Variants in TPTE2 observed in about 807,000 individuals in gnomAD.
TPTE2 encodes transmembrane phosphoinositide 3-phosphatase and tensin homolog 2, also known as phosphatidylinositol 3,4,5-trisphosphate 3-phosphatase TPTE2.
A neutral mutation model predicts 78.6 loss-of-function variants in TPTE2; 53 were observed. The ratio of observed to expected loss-of-function variants is 0.67; its 90% confidence interval spans 0.54 to 0.85. The LOEUF (loss-of-function observed/expected upper bound fraction) is 0.85. TPTE2 is among the 40% of genes least tolerant of loss of function. The pLI is 0.00. For synonymous variants in TPTE2, 175 were observed against 206.2 expected, an observed-to-expected ratio of 0.85 and a Z score of 1.30; for missense variants, 461 against 623.0, an observed-to-expected ratio of 0.74 and a Z score of 2.77.
chr13:19,473,314 C>A (rs1039835058), intron 6 of TPTE2, among the ~76,000 whole-genome samples: 5 of 152,318 alleles, frequency 3.3e-5, no homozygotes, highest in South Asian at 2.1e-4. Context: ...GTCCTAGCCT[C>A]CAGGTGGATC....
At chr13:19,492,828 T>C (rs770799336) in intron 3 of TPTE2, 22 bp downstream of exon 6, 44 of 1,613,490 alleles carry the variant, frequency 2.7e-5, no homozygotes, top group Non-Finnish European at 3.7e-5. Flanking sequence ...CATACGTGTG[T>C]CTTCATGTAT....
chr13:19,449,684 ATTT>A (rs970839419), intron 13 of TPTE2, among the ~76,000 whole-genome samples: 2 of 152,140 alleles, frequency 1.3e-5, no homozygotes, highest in Admixed American at 1.3e-4. Context: ...AAATATATTG[ATTT>A]TTTTGTTAAT....
intron 3 of TPTE2, among the ~76,000 whole-genome samples, chr13:19,487,847 G>C (rs1880751972): frequency 6.6e-6 from 1 of 152,328 alleles, no homozygotes. Flanking sequence ...TGTACTCCTA[G>C]TCCAGGACAT....
chr13:19,495,695 T>A (rs1199703151), intron 1 of TPTE2, among the ~76,000 whole-genome samples: 1 of 152,232 alleles, frequency 6.6e-6, no homozygotes, highest in Non-Finnish European at 1.5e-5. Flanking sequence ...TTCCTTGATA[T>A]CGCATGGTGC....
chr13:19,502,995 T>G (rs557869131), intron 1 of TPTE2, among the ~76,000 whole-genome samples: 34 of 152,268 alleles, frequency 2.2e-4, no homozygotes, highest in Non-Finnish European at 3.7e-4. Context: ...TGAAAAGAAT[T>G]GGAAACCCTG....
chr13:19,487,247 T>A (rs1020832836), intron 3 of TPTE2, among the ~76,000 whole-genome samples: 7 of 152,052 alleles, frequency 4.6e-5, no homozygotes, highest in African/African-American at 1.7e-4. Flanking sequence ...GACTTGGGCA[T>A]ACACAGCTGC....
At chr13:19,513,748 T>C (rs1869612030) in intron 1 of TPTE2, among the ~76,000 whole-genome samples, 1 of 152,182 alleles carries the variant, frequency 6.6e-6, no homozygotes, top group South Asian at 2.1e-4. Context: ...GTTTAATGAA[T>C]CAGGATTTAA....
chr13:19,549,366 A>G, the TPTE2 span, among the ~76,000 whole-genome samples: 1 of 152,330 alleles, frequency 6.6e-6, no homozygotes, highest in East Asian at 1.9e-4. Context: ...CGATTCTCAA[A>G]AAAAGACATA....
At chr13:19,549,454 TACC>T in the TPTE2 span, among the ~76,000 whole-genome samples, 1 of 152,180 alleles carries the variant, frequency 6.6e-6, no homozygotes, top group African/African-American at 2.4e-5. Context: ...CACAATGAGA[TACC>T]ACTGCACACC....
At chr13:19,450,163 C>G (rs752113876) in exon 13 of TPTE2, 48 of 1,610,984 alleles carry the variant, frequency 3.0e-5, no homozygotes, top group East Asian at 4.5e-5. Context: ...ACCACCATCT[C>G]ACTGATTTCA....
At chr13:19,428,273 AC>A (rs1275365265) in intron 17 of TPTE2, among the ~76,000 whole-genome samples, 1 of 151,928 alleles carries the variant, frequency 6.6e-6, no homozygotes, top group Admixed American at 6.6e-5. Context: ...ACATGGAGAA[AC>A]CCCGTCTCTA....
At chr13:19,503,177 G>C (rs1420606885) in intron 1 of TPTE2, 47 bp downstream of exon 4, 3 of 1,612,222 alleles carry the variant, frequency 1.9e-6, no homozygotes, top group Admixed American at 3.3e-5. Flanking sequence ...ATACTTCTAT[G>C]CTCAGTTATA....
chr13:19,482,385 C>T (rs542852142), intron 4 of TPTE2, 103 bp downstream of exon 7: 1 of 1,345,390 alleles, frequency 7.4e-7, no homozygotes, highest in East Asian at 2.5e-5. Context: ...TGATATCTTT[C>T]CATAGTTTCC....
intron 5 of TPTE2, among the ~76,000 whole-genome samples, chr13:19,475,249 G>A (rs1490719054): frequency 6.7e-6 from 1 of 149,128 alleles, no homozygotes; most frequent in Non-Finnish European, 1.5e-5. Flanking sequence ...TTTTTTACAT[G>A]GAGTCTTGCT....
At chr13:19,546,531 C>G in the TPTE2 span, among the ~76,000 whole-genome samples, 6 of 118,554 alleles carry the variant, frequency 5.1e-5, no homozygotes, top group African/African-American at 1.8e-4. Context: ...CTCTCGTTGC[C>G]CAGGCTGGAG....
At chr13:19,497,695 G>A (rs1483227485) in intron 1 of TPTE2, among the ~76,000 whole-genome samples, 1 of 150,030 alleles carries the variant, frequency 6.7e-6, no homozygotes, top group African/African-American at 2.4e-5. Flanking sequence ...CCACAAAGAT[G>A]GGGAAAAAAC....
At chr13:19,492,687 C>T (rs1384986772) in intron 3 of TPTE2, among the ~76,000 whole-genome samples, 163 bp downstream of exon 6, 5 of 152,118 alleles carry the variant, frequency 3.3e-5, no homozygotes, top group African/African-American at 1.2e-4. Flanking sequence ...CATCTGTCTC[C>T]GTGTTTGGTG....
the TPTE2 span, chr13:19,560,576 C>A: frequency 6.3e-7 from 1 of 1,599,986 alleles, no homozygotes. Context: ...ATGGTGACCA[C>A]GATCTCTCGG....
chr13:19,445,167 C>T (rs940656047), intron 13 of TPTE2, among the ~76,000 whole-genome samples: 5 of 152,244 alleles, frequency 3.3e-5, no homozygotes, highest in Non-Finnish European at 7.4e-5. Flanking sequence ...AAAGGCAAAT[C>T]ACAGAGCAGA....
Sources: gnomAD v4.1 joint callset for allele counts (sites outside exome capture counted in the v4.1 genomes callset) on GRCh38, gnomAD v4.1.1 for gene constraint, MANE v1.5 for transcripts, NCBI Gene and HGNC (gene_info 2026-07-23, HGNC 2026-07-21) for gene names.